The following COBLL1 variants were observed in gnomAD, a reference collection of about 807,000 sequenced individuals.
COBLL1 encodes cordon-bleu WH2 repeat protein like 1, also known as cordon-bleu protein-like 1.
COBLL1 carries 50 observed loss-of-function variants against 94.8 expected under a neutral mutation model. That is an observed-to-expected ratio of 0.53 (90% confidence interval 0.42 to 0.67). The LOEUF is 0.67. COBLL1 is among the 30% of genes least tolerant of loss of function. The probability of loss-of-function intolerance (pLI) is 0.00; values close to 1 mark genes in which losing one functional copy is unlikely to be tolerated. For synonymous variants in COBLL1, 448 were observed against 473.8 expected (o/e 0.95, Z 0.71); for missense variants, 1,362 against 1,348.7 (o/e 1.01, Z -0.15).
intron 2 of COBLL1, among the ~76,000 whole-genome samples, chr2:164,833,199 C>A (rs1683157782): frequency 6.6e-6 from 1 of 150,582 alleles, no homozygotes; most frequent in Non-Finnish European, 1.5e-5. Flanking sequence ...CCAAAAAGTA[C>A]AAAAATTAGC....
rs115522434 is a variant in COBLL1, at chr2:164,664,909, A to T, written n.181+938T>A. Among the ~76,000 whole-genome samples the T allele has an allele frequency of 8.5e-3, 1,301 of 152,310 alleles. 9 individuals carry two copies. The highest frequency in any genetic ancestry group is 0.022 in the African/African-American group (916 of 41,566). On this transcript the variant is annotated intron_variant and non_coding_transcript_variant, in intron 2 of 2. Transcript: ENST00000495084. ...CCTTTATGTCCAAAACTGAAAAATG[A>T]AAGTGTGGCTAGTTAGCCAGGGTGC...
At chr2:164,755,400 C>T (rs988078507) in intron 2 of COBLL1, among the ~76,000 whole-genome samples, 4 of 152,104 alleles carry the variant, frequency 2.6e-5, no homozygotes, top group Non-Finnish European at 5.9e-5. Context: ...TAGTACATTA[C>T]CTTCTGCATA....
At chr2:164,701,200 A>T (rs1327788605) in intron 9 of COBLL1, among the ~76,000 whole-genome samples, 1 of 152,192 alleles carries the variant, frequency 6.6e-6, no homozygotes. Context: ...AATAGTTATT[A>T]GTACCAACTA....
At chr2:164,814,097 C>T (rs1412046361) in intron 2 of COBLL1, among the ~76,000 whole-genome samples, 1 of 152,092 alleles carries the variant, frequency 6.6e-6, no homozygotes, top group African/African-American at 2.4e-5. Context: ...ACACAGTATA[C>T]ACTAAAATAA....
At chr2:164,824,245 G>T (rs1685322517) in intron 2 of COBLL1, among the ~76,000 whole-genome samples, 1 of 152,128 alleles carries the variant, frequency 6.6e-6, no homozygotes, top group East Asian at 1.9e-4. Flanking sequence ...TCTGGGCATG[G>T]TGGTGTATGC....
intron 7 of COBLL1, among the ~76,000 whole-genome samples, chr2:164,708,027 A>G (rs1439623766): frequency 6.6e-6 from 1 of 152,200 alleles, no homozygotes; most frequent in African/African-American, 2.4e-5. Context: ...TCACTTCAAC[A>G]GGGAGAGAAA....
At chr2:164,771,625 C>T (rs1389422135) in intron 2 of COBLL1, among the ~76,000 whole-genome samples, 1 of 151,926 alleles carries the variant, frequency 6.6e-6, no homozygotes, top group African/African-American at 2.4e-5. Flanking sequence ...TGGGTCAGTA[C>T]AAGGCACACT....
At position 164,743,895 on chromosome 2, in the gene COBLL1, C is replaced by A. The variant is rs1558973984; in HGVS notation, c.42-20G>T. The A allele has an allele frequency of 4.9e-6, 7 of 1,435,288 alleles. No individual in the cohort carries two copies. Among genetic ancestry groups the A allele is most frequent in the East Asian group, 2.5e-5 (1 of 39,634 alleles). 88.9% of individuals were successfully genotyped at this position (1,435,288 alleles called of 1,614,324 possible). A position where few individuals can be genotyped will look rare whatever the true frequency, so the allele number is the denominator to read the frequency against. ...TTTCTCCTAAAATATAAAGAAAACA[C>A]AAAAAATACAAAATATTTTATTTTT... On this transcript the variant is annotated intron_variant, in intron 2 of 13. Coordinates refer to ENST00000652658, the MANE Select transcript of COBLL1 (RefSeq NM_001365672.2).
At chr2:164,676,996 CTA>C (rs1691350518), downstream of COBLL1, among the ~76,000 whole-genome samples, 10 of 152,202 alleles carry the variant, frequency 6.6e-5, no homozygotes, top group South Asian at 2.1e-3. Context: ...GATAACTTAC[CTA>C]TGTGTCCCTT....
At chr2:164,820,567 C>T (rs1379446477) in intron 2 of COBLL1, among the ~76,000 whole-genome samples, 1 of 152,136 alleles carries the variant, frequency 6.6e-6, no homozygotes, top group East Asian at 1.9e-4. Flanking sequence ...AACAATAACA[C>T]TTTACAAATC....
At chr2:164,710,173 T>TA (rs1301443312) in intron 7 of COBLL1, among the ~76,000 whole-genome samples, 1 of 152,200 alleles carries the variant, frequency 6.6e-6, no homozygotes, top group Admixed American at 6.5e-5. Context: ...GTGTGTTAAC[T>TA]AAAACATCAC....
At chr2:164,754,699 G>A (rs1173611999) in intron 2 of COBLL1, among the ~76,000 whole-genome samples, 1 of 152,222 alleles carries the variant, frequency 6.6e-6, no homozygotes, top group Non-Finnish European at 1.5e-5. Context: ...TACATTTAGA[G>A]CACATCGTCT....
intron 2 of COBLL1, among the ~76,000 whole-genome samples, chr2:164,665,253 C>G (rs899069999): frequency 6.6e-6 from 1 of 151,118 alleles, no homozygotes; most frequent in Non-Finnish European, 1.5e-5. Context: ...ATCATTTGAA[C>G]CCAGGGACAG....
chr2:164,792,807 T>C (rs1683257998), intron 2 of COBLL1, among the ~76,000 whole-genome samples: 1 of 152,138 alleles, frequency 6.6e-6, no homozygotes, highest in Non-Finnish European at 1.5e-5. Flanking sequence ...GAGATGTTAC[T>C]CCTCAAACAC....
intron 9 of COBLL1, among the ~76,000 whole-genome samples, chr2:164,702,553 C>T (rs1684347098): frequency 1.1e-5 from 1 of 88,826 alleles, no homozygotes; most frequent in African/African-American, 7.4e-5. Context: ...AACAGTGAGA[C>T]TCCTCAAAAA....
chr2:164,805,333 C>T (rs370083350), intron 2 of COBLL1, among the ~76,000 whole-genome samples: 2 of 20,552 alleles, frequency 9.7e-5, no homozygotes, highest in Non-Finnish European at 1.8e-4. Context: ...CTCTCTCTCT[C>T]TCTCTATATA....
rs752033074 is a variant in COBLL1 at position 164,704,441 on chromosome 2, T to C, written c.1225+3A>G. 18 of 1,598,642 alleles carry C rather than the reference T, an allele frequency of 1.1e-5. No homozygotes were observed. The highest frequency in any genetic ancestry group is 1.5e-5 in the Non-Finnish European group (18 of 1,165,980). ...TACACCATGTAGAATAAGGGTGTCA[T>C]ACCTGGGCTGGATAGCTCCTCAGGA... On this transcript the variant is annotated splice_donor_region_variant and intron_variant, in intron 9 of 13. Transcript: ENST00000652658.
chr2:164,753,430 C>T (rs144448988), intron 2 of COBLL1, among the ~76,000 whole-genome samples: 1 of 145,516 alleles, frequency 6.9e-6, no homozygotes, highest in African/African-American at 2.6e-5. Flanking sequence ...CCTTAAATCT[C>T]TCTCTCCAAG....
intron 2 of COBLL1, among the ~76,000 whole-genome samples, chr2:164,768,372 T>C (rs896566904): frequency 1.3e-5 from 2 of 152,134 alleles, no homozygotes; most frequent in African/African-American, 4.8e-5. Context: ...TGGTTTTGAA[T>C]GTGGCCCAAC....
Sources: gnomAD v4.1 joint callset for allele counts (sites outside exome capture counted in the v4.1 genomes callset) on GRCh38, gnomAD v4.1.1 for gene constraint, MANE v1.5 for transcripts, NCBI Gene and HGNC (gene_info 2026-07-23, HGNC 2026-07-21) for gene names.